The following LVRN variants were observed in gnomAD, a reference collection of about 807,000 sequenced individuals.
LVRN encodes the protein aminopeptidase Q.
A neutral mutation model predicts 111.4 loss-of-function variants in LVRN; 99 were observed. The ratio of observed to expected loss-of-function variants is 0.89; its 90% CI spans 0.76 to 1.05. The LOEUF (loss-of-function observed/expected upper bound fraction) is 1.05, where lower values mean the gene tolerates loss of function less well. Ranked by LOEUF, LVRN falls within the 50% of genes least tolerant of loss-of-function variation. The pLI, the probability that LVRN is intolerant of heterozygous loss-of-function variation, is 0.00. For missense variants in LVRN, 1,414 were observed against 1,206.8 expected (o/e 1.17, Z -2.54); for synonymous variants, 488 against 449.5 (o/e 1.09, Z -1.08).
intron 12 of LVRN, among the ~76,000 whole-genome samples, chr5:116,004,327 G>A (rs1428086): frequency 0.45 from 68,110 of 152,014 alleles, 15,556 homozygotes; most frequent in South Asian, 0.53. Flanking sequence ...TTCCATGAGT[G>A]GAGCTGGACG....
At chr5:116,011,478 T>C (rs1174067881) in intron 14 of LVRN, among the ~76,000 whole-genome samples, 1 of 152,144 alleles carries the variant, frequency 6.6e-6, no homozygotes, top group East Asian at 1.9e-4. Context: ...ACAGTAATTA[T>C]AGGAAAAAAT....
intron 18 of LVRN, 36 bp downstream of exon 18, chr5:116,015,801 C>A (rs17485148): frequency 1.2e-6 from 2 of 1,606,972 alleles, no homozygotes. Flanking sequence ...TTCATTTAGG[C>A]CACTGGTTTG....
intron 13 of LVRN, among the ~76,000 whole-genome samples, chr5:116,006,769 A>T (rs1189662595): frequency 6.6e-6 from 1 of 152,188 alleles, no homozygotes; most frequent in East Asian, 1.9e-4. Flanking sequence ...GGTCCTCAGT[A>T]AATGTTTGCG....
rs1211540267 is a variant in LVRN at position 116,026,755 on chromosome 5, C to T, written c.*637C>T. ...GAACCACGTGTTGCTGGTTACTAAA[C>T]TTTATGGTGTCACAAAAAGACAAAT... On this transcript the variant is annotated 3_prime_UTR_variant, in exon 20 of 20. Transcript: ENST00000357872. 6.5e-6 allele frequency: 1 copy of T among 152,878 alleles called. No individual in the cohort carries two copies. The highest frequency in any genetic ancestry group is 2.4e-5 in the African/African-American group (1 of 41,454). 9.5% of individuals were successfully genotyped at this position (152,878 alleles called of 1,614,324 possible).
At chr5:115,977,186 G>A (rs557790110) in intron 1 of LVRN, among the ~76,000 whole-genome samples, 98 of 152,194 alleles carry the variant, frequency 6.4e-4, no homozygotes, top group Non-Finnish European at 1.2e-3. Context: ...ACAGATTTCT[G>A]GAAGTCTTTC....
In LVRN at chr5:115,999,837, A is replaced by C; in HGVS notation, c.1450A>C (p.Met484Leu). 6.2e-7 allele frequency: 1 copy of C among 1,613,716 alleles called. No individual in the cohort carries two copies. Among genetic ancestry groups the C allele is most frequent in the East Asian group, 2.2e-5 (1 of 44,858 alleles). Residue 484 changes from methionine to leucine, a missense_variant, in exon 7 of 20, where the codon ATG (methionine) becomes CTG (leucine). By Grantham distance (15) the Met-to-Leu change is conservative (BLOSUM62 2). Transcript: ENST00000357872. ...CGCCCTGGTGACTAGAGCTGTGGCC[A>C]TGAAGGTGGAAAATTTCAAAACAAG... ...DHALVTRAVA[M>L]KVENFKTSEI...
intron 1 of LVRN, among the ~76,000 whole-genome samples, chr5:115,968,415 G>A (rs1472044458): frequency 6.8e-6 from 1 of 146,536 alleles, no homozygotes; most frequent in Non-Finnish European, 1.5e-5. Flanking sequence ...TGAAAATATT[G>A]AGCCAGCCTT....
rs1748869451 is a variant in LVRN at position 116,026,454 on chromosome 5, A to C, written c.*336A>C. 3.1e-6 allele frequency: 1 copy of C among 320,738 alleles called. No individual in the cohort carries two copies. The highest frequency in any genetic ancestry group is 2.2e-5 in the African/African-American group (1 of 45,340). 19.9% of individuals were successfully genotyped at this position (320,738 alleles called of 1,614,324 possible). A position where few individuals can be genotyped will look rare whatever the true frequency, so the allele number is the denominator to read the frequency against. ...CGAAGGCCAGTGGAATATAAAAATC[A>C]ATGGCATTAATGAGGAGCACATTCT... On this transcript the variant is annotated 3_prime_UTR_variant, in exon 20 of 20. Transcript: ENST00000357872.
intron 14 of LVRN, 72 bp downstream of exon 14, chr5:116,010,966 T>A: frequency 8.7e-7 from 1 of 1,143,236 alleles, no homozygotes; most frequent in Non-Finnish European, 1.1e-6. Flanking sequence ...AGCCAGCATC[T>A]GTGAGACAGG....
At chr5:115,989,487 C>T (rs2112580203) in intron 4 of LVRN, among the ~76,000 whole-genome samples, 1 of 152,290 alleles carries the variant, frequency 6.6e-6, no homozygotes, top group Non-Finnish European at 1.5e-5. Context: ...CCACAGTATC[C>T]TGCATATTCC....
At chr5:115,983,560 C>A in intron 2 of LVRN, 131 bp downstream of exon 2, 1 of 1,020,052 alleles carries the variant, frequency 9.8e-7, no homozygotes, top group Non-Finnish European at 1.3e-6. Context: ...TTAGGTAGAG[C>A]AGTCACCTGG....
At chr5:115,999,450 G>A (rs963012674) in intron 6 of LVRN, among the ~76,000 whole-genome samples, 1 of 152,128 alleles carries the variant, frequency 6.6e-6, no homozygotes, top group African/African-American at 2.4e-5. Context: ...ACCACCTTAA[G>A]GAAGGCCCTC....
At chr5:116,020,119 T>A (rs1332451982) in intron 18 of LVRN, 1 of 152,246 alleles carries the variant, frequency 6.6e-6, no homozygotes, top group Non-Finnish European at 1.5e-5. Context: ...GGCTTGGTCT[T>A]GGTCTTGCCC....
In LVRN at chr5:116,000,790, A is replaced by G. The variant is rs1580391225; in HGVS notation, c.1647+132A>G. The stretch of plus-strand genomic sequence containing the variant: ...TCTTGTTGTAGAACTCCCTTAGGTC[A>G]TGGGTAGTGTCTTTAGTCTTCACTA... On this transcript the variant is annotated intron_variant, in intron 9 of 19. Coordinates refer to ENST00000357872, the MANE Select transcript of LVRN (RefSeq NM_173800.5). 19 of 978,234 alleles carry G rather than the reference A, an allele frequency of 1.9e-5. No individual in the cohort carries two copies. The East Asian group carries it at 4.8e-4, about 25-fold the overall frequency. 60.6% of individuals were successfully genotyped at this position (978,234 alleles called of 1,614,324 possible).
intron 1 of LVRN, among the ~76,000 whole-genome samples, chr5:115,964,919 T>A (rs1333091993): frequency 6.6e-6 from 1 of 152,180 alleles, no homozygotes; most frequent in Non-Finnish European, 1.5e-5. Flanking sequence ...AAAAGACACC[T>A]AAGGTTAAGC....
chr5:116,009,514 A>G (rs772188082), intron 13 of LVRN, among the ~76,000 whole-genome samples: 12 of 152,182 alleles, frequency 7.9e-5, no homozygotes, highest in Non-Finnish European at 1.3e-4. Flanking sequence ...TAAATTGAAA[A>G]TCTTCTGGTA....
At chr5:116,018,943 C>T (rs369534587) in intron 18 of LVRN, among the ~76,000 whole-genome samples, 1 of 152,040 alleles carries the variant, frequency 6.6e-6, no homozygotes, top group African/African-American at 2.4e-5. Flanking sequence ...ACACAACCTC[C>T]CCCTCTATCA....
At chr5:115,988,342 T>G (rs1456747554) in intron 4 of LVRN, among the ~76,000 whole-genome samples, 1 of 151,672 alleles carries the variant, frequency 6.6e-6, no homozygotes, top group Admixed American at 6.5e-5. Context: ...GTTTTTTTTT[T>G]TTTTAAATAT....
At chr5:115,977,444 G>C (rs974010327) in intron 1 of LVRN, among the ~76,000 whole-genome samples, 13 of 152,148 alleles carry the variant, frequency 8.5e-5, no homozygotes, top group African/African-American at 3.1e-4. Flanking sequence ...GTCTGAAATA[G>C]TTGTTTTATA....
Sources: gnomAD v4.1 joint callset for allele counts (sites outside exome capture counted in the v4.1 genomes callset) on GRCh38, gnomAD v4.1.1 for gene constraint, MANE v1.5 for transcripts, NCBI Gene and HGNC (gene_info 2026-07-23, HGNC 2026-07-21) for gene names.